The following PRKCE variants were observed in gnomAD, a reference collection of about 807,000 sequenced individuals.
PRKCE encodes protein kinase C epsilon, also known as protein kinase C epsilon type.
Under a neutral mutation model 85.4 loss-of-function variants are expected in PRKCE, and 16 were observed. The ratio of observed to expected loss-of-function variants is 0.19; its 90% CI spans 0.13 to 0.28. The LOEUF (loss-of-function observed/expected upper bound fraction) is 0.28. Ranked by LOEUF, PRKCE falls within the 10% of genes least tolerant of loss-of-function variation. The pLI is 1.00. For synonymous variants in PRKCE, 388 were observed against 371.5 expected, an observed-to-expected ratio of 1.04 and a Z score of -0.51; for missense variants, 573 against 975.2, an observed-to-expected ratio of 0.59 and a Z score of 5.49.
rs146685697 is a variant in PRKCE, at chr2:46,184,779, G to A, written c.2112G>A (p.Arg704=). 307 of 1,599,728 alleles carry A rather than the reference G, an allele frequency of 1.9e-4. No homozygotes were observed. The African/African-American group carries it at 3.4e-3, about 18-fold the overall frequency. Reference sequence around the variant, plus strand: ...ATAATTTTGACCAAGACTTTACCCGGGAAGAGCCGGTACTCACCCTTGTGG... The same window carrying A: ...ATAATTTTGACCAAGACTTTACCCGAGAAGAGCCGGTACTCACCCTTGTGG... ...DVNNFDQDFT[R]EEPVLTLVDE... is the part of the protein sequence containing the mutation. Residue 704 remains arginine, a synonymous_variant, in exon 15 of 15, where the codon CGG becomes CGA. Coordinates refer to ENST00000306156, the MANE Select transcript of PRKCE (RefSeq NM_005400.3). The surrounding 1 kb of genome is among the most constrained non-coding windows in gnomAD (Gnocchi z 5.0).
At chr2:45,939,213 G>A (rs544986116) in intron 2 of PRKCE, among the ~76,000 whole-genome samples, 2 of 152,214 alleles carry the variant, frequency 1.3e-5, no homozygotes, top group Non-Finnish European at 2.9e-5. Context: ...TTTCGGGAAA[G>A]AAATTTGATA....
rs186898516 is a variant in PRKCE at position 45,794,620 on chromosome 2, G to A, written c.349-48380G>A. Among the ~76,000 whole-genome samples the A allele has an allele frequency of 2.8e-3, 419 of 152,232 alleles. 5 individuals are homozygous for A. Among genetic ancestry groups the A allele is most frequent in the African/African-American group, 9.6e-3 (399 of 41,524 alleles). ...GGAAGGGCATGGATCTCGCCTGACA[G>A]CCCCGTCTCTGGAGGGAGATGTGTG... On this transcript the variant is annotated intron_variant, in intron 1 of 14. Transcript: ENST00000306156.
chr2:46,112,499 T>TG (rs1553350839), intron 11 of PRKCE, among the ~76,000 whole-genome samples: 2 of 140,770 alleles, frequency 1.4e-5, no homozygotes, highest in African/African-American at 5.2e-5. Context: ...TTGGTTTTTT[T>TG]TTTGTTTGTT....
intron 10 of PRKCE, among the ~76,000 whole-genome samples, chr2:46,067,979 C>T (rs1347799204): frequency 1.3e-5 from 2 of 152,086 alleles, no homozygotes; most frequent in Non-Finnish European, 2.9e-5. Context: ...ATCATACTCT[C>T]GTTGAAGGCA....
chr2:45,684,978 G>T (rs1265464418), intron 1 of PRKCE, among the ~76,000 whole-genome samples: 1 of 152,238 alleles, frequency 6.6e-6, no homozygotes, highest in African/African-American at 2.4e-5. Context: ...CCCTGGCTTT[G>T]GCACTGGTTA....
chr2:45,818,837 A>G (rs1353784135), intron 1 of PRKCE, among the ~76,000 whole-genome samples: 3 of 152,144 alleles, frequency 2.0e-5, no homozygotes, highest in East Asian at 1.9e-4. Flanking sequence ...CTATGCAAAC[A>G]CTCTTGCATT....
intron 2 of PRKCE, among the ~76,000 whole-genome samples, chr2:45,904,244 GCAAA>G (rs1466997995): frequency 6.6e-6 from 1 of 152,118 alleles, no homozygotes; most frequent in Non-Finnish European, 1.5e-5. Context: ...TCTTAAAAAT[GCAAA>G]CAAACAGACA....
In PRKCE at chr2:45,651,810, C is replaced by T; in HGVS notation, c.-291C>T. ...GCTTGCAGCGGAGCCGACAGCTCGT[C>T]TTCTCTTCTGGAGGTGCAGCTGGTG... On this transcript the variant is annotated 5_prime_UTR_variant, in exon 1 of 15. Transcript: ENST00000306156. The T allele has an allele frequency of 3.5e-6, 1 of 282,222 alleles. No individual in the cohort carries two copies. The highest frequency in any genetic ancestry group is 2.2e-5 in the African/African-American group (1 of 46,088). The allele number at this position is 282,222 out of a possible 1,614,324, so 17.5% of individuals were successfully genotyped here.
At chr2:46,056,020 G>T (rs1260941027) in intron 10 of PRKCE, among the ~76,000 whole-genome samples, 1 of 152,148 alleles carries the variant, frequency 6.6e-6, no homozygotes, top group East Asian at 1.9e-4. Flanking sequence ...GGACTTCAGG[G>T]GTCCATTTTT....
chr2:45,890,051 T>C (rs985437684), intron 2 of PRKCE, among the ~76,000 whole-genome samples: 1 of 152,244 alleles, frequency 6.6e-6, no homozygotes, highest in African/African-American at 2.4e-5. Context: ...GCTCAGTGCT[T>C]ACTGTCTGTT....
At chr2:45,983,919 A>C (rs1200720651) in intron 5 of PRKCE, among the ~76,000 whole-genome samples, 1 of 149,318 alleles carries the variant, frequency 6.7e-6, no homozygotes, top group Non-Finnish European at 1.5e-5. Context: ...CCAGGCACAC[A>C]GCAGTATTGA....
At chr2:45,863,922 G>C (rs1202233920) in intron 2 of PRKCE, among the ~76,000 whole-genome samples, 2 of 152,150 alleles carry the variant, frequency 1.3e-5, no homozygotes, top group African/African-American at 4.8e-5. Flanking sequence ...GCAGCAGACG[G>C]CCCAATTCAA....
At chr2:46,092,888 T>G (rs1670317497) in intron 11 of PRKCE, among the ~76,000 whole-genome samples, 1 of 152,240 alleles carries the variant, frequency 6.6e-6, no homozygotes, top group Non-Finnish European at 1.5e-5. Flanking sequence ...GGTCTTTAGT[T>G]AAACCTGAGT....
chr2:46,036,791 T>C (rs1263149516), intron 10 of PRKCE, among the ~76,000 whole-genome samples: 2 of 152,040 alleles, frequency 1.3e-5, no homozygotes, highest in African/African-American at 2.4e-5. Flanking sequence ...ATGTTCCTGG[T>C]GGGAGAAAGG....
At chr2:46,140,063 G>A (rs184136490) in intron 11 of PRKCE, among the ~76,000 whole-genome samples, 88 of 152,158 alleles carry the variant, frequency 5.8e-4, no homozygotes, top group Admixed American at 4.4e-3. Flanking sequence ...ACATGAAAAT[G>A]GAAAGACACA....
chr2:46,039,023 C>T (rs1433855975), intron 10 of PRKCE, among the ~76,000 whole-genome samples: 3 of 152,096 alleles, frequency 2.0e-5, no homozygotes, highest in African/African-American at 7.2e-5. Context: ...TGCAATTTAG[C>T]GTGGTAGTAA....
intron 5 of PRKCE, among the ~76,000 whole-genome samples, chr2:45,984,193 C>G (rs1421749807): frequency 6.6e-6 from 1 of 152,126 alleles, no homozygotes; most frequent in East Asian, 1.9e-4. Flanking sequence ...CTACCTCAGC[C>G]TCCCAAAATG....
At chr2:45,858,902 A>C (rs1159095011) in intron 2 of PRKCE, among the ~76,000 whole-genome samples, 3 of 151,822 alleles carry the variant, frequency 2.0e-5, no homozygotes. Context: ...TTAGCCGGGC[A>C]TGGTGGTGGG....
intron 1 of PRKCE, among the ~76,000 whole-genome samples, chr2:45,812,407 C>T (rs528477249): frequency 1.3e-4 from 20 of 152,258 alleles, no homozygotes; most frequent in South Asian, 2.1e-4. Flanking sequence ...CAAGTACTTA[C>T]GGAGCATTGG....
Sources: gnomAD v4.1 joint callset for allele counts (sites outside exome capture counted in the v4.1 genomes callset) on GRCh38, gnomAD v4.1.1 for gene constraint, Gnocchi (gnomAD v3.1) non-coding constraint, MANE v1.5 for transcripts, NCBI Gene and HGNC (gene_info 2026-07-23, HGNC 2026-07-21) for gene names.